The following CTNNA3 variants were observed in gnomAD, a reference collection of about 807,000 sequenced individuals.
CTNNA3 encodes the protein catenin alpha 3.
A neutral mutation model predicts 95.7 loss-of-function variants in CTNNA3; 76 were observed. The observed-to-expected ratio is 0.79, with a 90% CI of 0.66 to 0.96. The LOEUF (loss-of-function observed/expected upper bound fraction) is 0.96, where lower values mean the gene tolerates loss of function less well. CTNNA3 is among the 40% of genes least tolerant of loss of function. The pLI, the probability that CTNNA3 is intolerant of heterozygous loss-of-function variation, is 0.00. For synonymous variants in CTNNA3, 431 were observed against 374.4 expected (o/e 1.15, Z -1.74); for missense variants, 1,191 against 1,089.8 (o/e 1.09, Z -1.31).
chr10:66,475,795 G>C (rs1257996505), intron 11 of CTNNA3, among the ~76,000 whole-genome samples: 1 of 152,046 alleles, frequency 6.6e-6, no homozygotes, highest in Non-Finnish European at 1.5e-5. Flanking sequence ...CATTGTGGAA[G>C]ACATTGTGAC....
intron 13 of CTNNA3, among the ~76,000 whole-genome samples, chr10:66,199,910 C>G (rs1337982484): frequency 2.1e-5 from 3 of 142,902 alleles, no homozygotes; most frequent in African/African-American, 8.0e-5. Flanking sequence ...CCTTGGTCTC[C>G]CGAAGTGCTG....
chr10:67,002,454 T>G (rs1851744895), intron 7 of CTNNA3, among the ~76,000 whole-genome samples: 1 of 152,170 alleles, frequency 6.6e-6, no homozygotes, highest in Non-Finnish European at 1.5e-5. Context: ...CAAGGTTGAA[T>G]CTAAATCCAA....
chr10:66,659,193 C>G (rs1846171563), intron 9 of CTNNA3, among the ~76,000 whole-genome samples: 1 of 149,832 alleles, frequency 6.7e-6, no homozygotes, highest in Admixed American at 6.7e-5. Context: ...CACACACACA[C>G]ACACACACAC....
intron 10 of CTNNA3, among the ~76,000 whole-genome samples, chr10:66,543,562 T>G (rs970402954): frequency 6.6e-6 from 1 of 152,112 alleles, no homozygotes; most frequent in Non-Finnish European, 1.5e-5. Flanking sequence ...TGAAAGGTTA[T>G]ACACCAAATA....
intron 3 of CTNNA3, among the ~76,000 whole-genome samples, chr10:67,580,557 A>G (rs952461330): frequency 3.3e-5 from 5 of 151,686 alleles, no homozygotes; most frequent in Non-Finnish European, 7.4e-5. Context: ...TTTTGGTTCC[A>G]TATGAACTTT....
chr10:66,631,894 T>G (rs1192698349), intron 9 of CTNNA3, among the ~76,000 whole-genome samples: 2 of 152,094 alleles, frequency 1.3e-5, no homozygotes, highest in Non-Finnish European at 2.9e-5. Flanking sequence ...CACTTCTTCA[T>G]GCAGAATGAA....
chr10:67,725,104 CG>C (rs1564840599), intron 1 of CTNNA3, among the ~76,000 whole-genome samples: 1 of 151,898 alleles, frequency 6.6e-6, no homozygotes, highest in Admixed American at 6.6e-5. Flanking sequence ...GATAAAACAA[CG>C]GATTCGTAGT....
At chr10:67,653,042 G>T (rs1280019150) in intron 1 of CTNNA3, among the ~76,000 whole-genome samples, 1 of 152,110 alleles carries the variant, frequency 6.6e-6, no homozygotes, top group Non-Finnish European at 1.5e-5. Flanking sequence ...ATATTTAATT[G>T]GCTCATGGTT....
At chr10:66,215,993 CAGTT>C (rs2088505526) in intron 13 of CTNNA3, among the ~76,000 whole-genome samples, 1 of 152,198 alleles carries the variant, frequency 6.6e-6, no homozygotes, top group South Asian at 2.1e-4. Context: ...CTTTTACTTT[CAGTT>C]ATTTTATTAC....
intron 1 of CTNNA3, among the ~76,000 whole-genome samples, chr10:67,757,137 G>C (rs1001943934): frequency 6.6e-5 from 10 of 152,192 alleles, no homozygotes; most frequent in African/African-American, 2.4e-4. Flanking sequence ...ACATGGAATA[G>C]AGCAAATGTA....
intron 15 of CTNNA3, among the ~76,000 whole-genome samples, chr10:66,058,772 A>C (rs747848161): frequency 6.6e-5 from 10 of 152,136 alleles, no homozygotes; most frequent in Non-Finnish European, 1.5e-4. Flanking sequence ...AAATTCTGAG[A>C]CCATGTTTAG....
intron 1 of CTNNA3, among the ~76,000 whole-genome samples, chr10:67,657,443 C>T (rs2133512101): frequency 6.6e-6 from 1 of 152,204 alleles, no homozygotes; most frequent in Admixed American, 6.5e-5. Flanking sequence ...AGGTTGAAGT[C>T]CACTATTGCA....
At chr10:67,214,923 A>C (rs1864288660) in intron 6 of CTNNA3, among the ~76,000 whole-genome samples, 1 of 151,892 alleles carries the variant, frequency 6.6e-6, no homozygotes, top group African/African-American at 2.4e-5. Context: ...AGGTTTCTTT[A>C]AAGACACCTT....
chr10:67,147,407 T>C (rs1476531158), intron 7 of CTNNA3, among the ~76,000 whole-genome samples: 1 of 152,186 alleles, frequency 6.6e-6, no homozygotes, highest in Non-Finnish European at 1.5e-5. Flanking sequence ...TCTAAAACAG[T>C]AACTGGTACT....
chr10:66,767,752 G>A (rs867674941), intron 8 of CTNNA3, among the ~76,000 whole-genome samples: 5 of 152,218 alleles, frequency 3.3e-5, no homozygotes, highest in African/African-American at 1.2e-4. Context: ...CTTCTATAAT[G>A]ATCATAGAAT....
intron 9 of CTNNA3, among the ~76,000 whole-genome samples, chr10:66,718,246 A>G (rs1010723070): frequency 6.6e-6 from 1 of 151,522 alleles, no homozygotes; most frequent in Non-Finnish European, 1.5e-5. Context: ...CAATTGCCTT[A>G]TTGTCCTATT....
intron 13 of CTNNA3, among the ~76,000 whole-genome samples, chr10:66,191,125 A>G (rs1387756812): frequency 4.6e-5 from 7 of 152,190 alleles, no homozygotes; most frequent in Admixed American, 1.3e-4. Flanking sequence ...CTAACAAAGA[A>G]GGACCCAGAG....
At chr10:67,607,070 A>G (rs1843301753) in intron 2 of CTNNA3, 21 bp from the exon 3 acceptor site, 1 of 1,571,024 alleles carries the variant, frequency 6.4e-7, no homozygotes, top group African/African-American at 1.4e-5. Context: ...AAAAATACAA[A>G]GTACTAAATT....
intron 7 of CTNNA3, among the ~76,000 whole-genome samples, chr10:66,902,310 A>C (rs1845785351): frequency 6.6e-6 from 1 of 152,242 alleles, no homozygotes; most frequent in Non-Finnish European, 1.5e-5. Flanking sequence ...GAAGGCAGAA[A>C]TAAAGATGTT....
Sources: allele counts gnomAD v4.1 joint callset (sites outside exome capture counted in the v4.1 genomes callset), GRCh38; gene constraint gnomAD v4.1.1; transcripts MANE v1.5; gene names NCBI Gene and HGNC (gene_info 2026-07-23, HGNC 2026-07-21).